Variants in ALMS1 observed in about 807,000 individuals in gnomAD.
ALMS1 encodes the protein centrosome-associated protein ALMS1.
In ALMS1, 271 loss-of-function variants were observed where a neutral mutation model predicts 352.2. The ratio of observed to expected loss-of-function variants is 0.77; its 90% CI spans 0.70 to 0.85. ALMS1 has a LOEUF of 0.85. Ranked by LOEUF, ALMS1 falls within the 40% of genes least tolerant of loss-of-function variation. The probability of loss-of-function intolerance (pLI) is 0.00; values close to 1 mark genes in which losing one functional copy is unlikely to be tolerated. For synonymous variants in ALMS1, 1,865 were observed against 1,761.2 expected (o/e 1.06, Z -1.48); for missense variants, 5,445 against 4,870.7 (o/e 1.12, Z -3.51).
chr2:73,548,322 A>T (rs773998996), intron 12 of ALMS1, among the ~76,000 whole-genome samples: 92 of 152,222 alleles, frequency 6.0e-4, no homozygotes, highest in Non-Finnish European at 1.1e-3. Flanking sequence ...CCCAAACATA[A>T]ATCTATACTC....
intron 17 of ALMS1, among the ~76,000 whole-genome samples, 156 bp downstream of exon 17, chr2:73,599,677 A>T (rs1381172220): frequency 6.6e-6 from 1 of 152,228 alleles, no homozygotes; most frequent in African/African-American, 2.4e-5. Context: ...TTCAAGTTTG[A>T]TGGCAAGTTT....
chr2:73,385,823 T>TC (rs764473588), upstream of ALMS1: 46 of 658,366 alleles, frequency 7.0e-5, no homozygotes, highest in South Asian at 2.0e-4. Context: ...TTCCCCTCCC[T>TC]CCCCCCCTCC....
intron 5 of ALMS1, among the ~76,000 whole-genome samples, chr2:73,425,702 A>G (rs573402199): frequency 6.6e-6 from 1 of 152,198 alleles, no homozygotes; most frequent in Non-Finnish European, 1.5e-5. Flanking sequence ...AAAAATCCAG[A>G]TCTTTCTCCA....
In ALMS1 at chr2:73,432,284, A is replaced by G. The variant is rs767100210; in HGVS notation, c.1425A>G (p.Leu475=). Residue 475 remains leucine (L), a synonymous_variant, in exon 7 of 23, where the codon TTA becomes TTG. Transcript: ENST00000613296. The stretch of plus-strand genomic sequence containing the variant: ...CTGTGCCAAAGGCTCCTAAACATTT[A>G]AAAGCAGGTACGTAGAAAAAGGAGA... The part of the protein sequence containing the change: ...PDTVPKAPKH[L]KAGDTSKGGI... The G allele has an allele frequency of 2.0e-5, 32 of 1,608,446 alleles. No homozygotes were observed. The highest frequency in any genetic ancestry group is 2.7e-5 in the Non-Finnish European group (32 of 1,175,106).
chr2:73,564,098 TAAAAA>T (rs772690471), intron 15 of ALMS1, among the ~76,000 whole-genome samples: 3 of 147,658 alleles, frequency 2.0e-5, no homozygotes, highest in Non-Finnish European at 4.5e-5. Context: ...GGGTTAAACT[TAAAAA>T]AAAAACCCTT....
intron 2 of ALMS1, among the ~76,000 whole-genome samples, chr2:73,410,231 A>C (rs561941365): frequency 6.6e-6 from 1 of 152,146 alleles, no homozygotes; most frequent in Non-Finnish European, 1.5e-5. Flanking sequence ...TCTACTAAAA[A>C]TACAAAAATT....
At chr2:73,510,940 C>T (rs138907503) in intron 10 of ALMS1, among the ~76,000 whole-genome samples, 1 of 152,264 alleles carries the variant, frequency 6.6e-6, no homozygotes, top group South Asian at 2.1e-4. Context: ...GAGAGGCAGT[C>T]TGGGCTTCAC....
At chr2:73,597,914 G>A (rs1675585262) in intron 16 of ALMS1, among the ~76,000 whole-genome samples, 1 of 152,082 alleles carries the variant, frequency 6.6e-6, no homozygotes, top group East Asian at 1.9e-4. Flanking sequence ...TCCTGACAGA[G>A]GCCCTCTCTC....
chr2:73,583,155 T>C (rs1675224986), intron 16 of ALMS1, among the ~76,000 whole-genome samples: 1 of 152,082 alleles, frequency 6.6e-6, no homozygotes, highest in Non-Finnish European at 1.5e-5. Flanking sequence ...TGGCCATTTG[T>C]ATGTCATCTT....
At chr2:73,388,266 TA>T (rs990744135) in intron 1 of ALMS1, among the ~76,000 whole-genome samples, 2 of 152,216 alleles carry the variant, frequency 1.3e-5, no homozygotes, top group Non-Finnish European at 2.9e-5. Flanking sequence ...AGGAGTTTTT[TA>T]AACAAAATTT....
At chr2:73,566,381 C>T (rs561277598) in intron 15 of ALMS1, among the ~76,000 whole-genome samples, 1 of 152,122 alleles carries the variant, frequency 6.6e-6, no homozygotes, top group Non-Finnish European at 1.5e-5. Flanking sequence ...ATAACCCAGA[C>T]AGCTATGAAG....
chr2:73,585,992 T>G (rs1675303349), intron 16 of ALMS1, among the ~76,000 whole-genome samples: 1 of 152,134 alleles, frequency 6.6e-6, no homozygotes, highest in Non-Finnish European at 1.5e-5. Context: ...ACTCCTGACC[T>G]CAAGTGATCC....
intron 9 of ALMS1, among the ~76,000 whole-genome samples, chr2:73,487,823 G>A (rs535411839): frequency 4.6e-5 from 7 of 152,084 alleles, no homozygotes; most frequent in African/African-American, 1.4e-4. Flanking sequence ...CCATCTGTCA[G>A]TGGAGAGGAG....
intron 7 of ALMS1, among the ~76,000 whole-genome samples, chr2:73,435,724 G>C (rs1301750426): frequency 1.3e-5 from 2 of 151,588 alleles, no homozygotes; most frequent in East Asian, 3.9e-4. Flanking sequence ...CCTCTGTTGT[G>C]AGGCCCACAG....
At chr2:73,561,050 G>A (rs1451561621) in intron 15 of ALMS1, among the ~76,000 whole-genome samples, 1 of 152,210 alleles carries the variant, frequency 6.6e-6, no homozygotes, top group Non-Finnish European at 1.5e-5. Flanking sequence ...GAATACAGAA[G>A]CAGGACAAAG....
intron 10 of ALMS1, among the ~76,000 whole-genome samples, chr2:73,504,983 C>T (rs2103928047): frequency 6.6e-6 from 1 of 152,246 alleles, no homozygotes; most frequent in Middle Eastern, 3.4e-3. Flanking sequence ...GTTTGGTTTT[C>T]TATTCCTGTG....
At chr2:73,397,295 G>A (rs1015948776) in intron 1 of ALMS1, among the ~76,000 whole-genome samples, 2 of 152,020 alleles carry the variant, frequency 1.3e-5, no homozygotes, top group South Asian at 4.2e-4. Flanking sequence ...CTCTGTGTAT[G>A]TACCTCTCCA....
At position 73,558,867 on chromosome 2, in the gene ALMS1, C is replaced by A. The variant is rs997006650; in HGVS notation, c.10214-105C>A. On this transcript the variant is annotated intron_variant, in intron 14 of 22. Coordinates refer to ENST00000613296, the MANE Select transcript of ALMS1 (RefSeq NM_001378454.1). ...GCATTTCTGAGTCATCTTTTTTCTT[C>A]AATATCAGTAACAAAGCCTTTCACA... 1.9e-5 allele frequency: 24 copies of A among 1,245,264 alleles called. No individual in the cohort carries two copies. The South Asian group carries it at 3.0e-4, about 16-fold the overall frequency. The allele number at this position is 1,245,264 out of a possible 1,614,324, so 77.1% of individuals were successfully genotyped here. A position where few individuals can be genotyped will look rare whatever the true frequency, so the allele number is the denominator to read the frequency against.
At chr2:73,463,637 C>T (rs965782649) in intron 9 of ALMS1, among the ~76,000 whole-genome samples, 2 of 124,678 alleles carry the variant, frequency 1.6e-5, no homozygotes, top group South Asian at 5.8e-4. Flanking sequence ...CACAAAAAAC[C>T]CTTCAAAAAA....
Sources: allele counts gnomAD v4.1 joint callset (sites outside exome capture counted in the v4.1 genomes callset), GRCh38; gene constraint gnomAD v4.1.1; transcripts MANE v1.5; gene names NCBI Gene and HGNC (gene_info 2026-07-23, HGNC 2026-07-21).